The following RAB2A variants were observed in gnomAD, a reference collection of about 807,000 sequenced individuals.
RAB2A encodes the protein ras-related protein Rab-2A.
A neutral mutation model predicts 32.5 loss-of-function variants in RAB2A; 7 were observed. That is an observed-to-expected ratio of 0.22 (90% CI 0.12 to 0.40). RAB2A has a LOEUF of 0.40. Among genes scored for constraint, RAB2A ranks in the 10% least tolerant of loss-of-function variants. RAB2A has a pLI of 1.00. For synonymous variants in RAB2A, 79 were observed against 85.2 expected (o/e 0.93, Z 0.40); for missense variants, 108 against 260.7 (o/e 0.41, Z 4.03).
Position 60,584,198 on chromosome 8 carries a change from T to C in RAB2A, c.187-10T>C, listed in dbSNP as rs1304401560. On this transcript the variant is annotated splice_polypyrimidine_tract_variant and intron_variant, in intron 3 of 7. Coordinates refer to ENST00000262646, the MANE Select transcript of RAB2A (RefSeq NM_002865.3). ...TAAAGGAAACTCTCCAACCTTTTTTTTCGTTACAGGCAGGGCAAGAATCCT... is the reference window on the plus strand; with the variant it reads ...TAAAGGAAACTCTCCAACCTTTTTTCTCGTTACAGGCAGGGCAAGAATCCT... 1.3e-6 allele frequency: 2 copies of C among 1,583,658 alleles called. No individual in the cohort carries two copies. Among genetic ancestry groups the C allele is most frequent in the Non-Finnish European group, 1.7e-6 (2 of 1,152,460 alleles).
chr8:60,583,857 T>C (rs1803804816), intron 3 of RAB2A, among the ~76,000 whole-genome samples: 2 of 152,216 alleles, frequency 1.3e-5, no homozygotes, highest in South Asian at 4.1e-4. Flanking sequence ...CAAATTTGTC[T>C]TCAGAGCTTA....
intron 6 of RAB2A, among the ~76,000 whole-genome samples, chr8:60,599,417 G>A (rs116698346): frequency 6.6e-6 from 1 of 152,068 alleles, no homozygotes; most frequent in Non-Finnish European, 1.5e-5. Context: ...ACAATGTTTT[G>A]TAGATATAGA....
At chr8:60,617,375 A>C (rs897053887) in intron 6 of RAB2A, among the ~76,000 whole-genome samples, 3 of 152,196 alleles carry the variant, frequency 2.0e-5, no homozygotes, top group Non-Finnish European at 4.4e-5. Context: ...TATACTAAAT[A>C]ATACATTATC....
intron 1 of RAB2A, among the ~76,000 whole-genome samples, chr8:60,539,119 T>G (rs1408559258): frequency 2.0e-5 from 3 of 152,238 alleles, no homozygotes; most frequent in Non-Finnish European, 4.4e-5. Flanking sequence ...TGAGATGCAT[T>G]AATTCATTCC....
intron 1 of RAB2A, among the ~76,000 whole-genome samples, chr8:60,531,785 ATCT>A (rs1807479780): frequency 6.7e-6 from 1 of 149,000 alleles, no homozygotes; most frequent in Admixed American, 6.7e-5. Context: ...GCCAGTAGTC[ATCT>A]TCTACCTTGA....
chr8:60,560,638 G>C lies in RAB2A; in HGVS notation c.118+1715G>C, dbSNP rs144246023. On this transcript the variant is annotated intron_variant, in intron 2 of 7. Coordinates refer to ENST00000262646, the MANE Select transcript of RAB2A (RefSeq NM_002865.3). ...TGTCAGAAGTTGACTTAAGCCCAGC[G>C]TGTCCAACCCACAACCTGCATGCAG... Among the ~76,000 whole-genome samples, 1,005 of 152,222 alleles carry C rather than the reference G, an allele frequency of 6.6e-3. 30 individuals carry two copies. Among genetic ancestry groups the C allele is most frequent in the Non-Finnish European group, 1.6e-3 (106 of 68,024 alleles).
chr8:60,559,624 C>T (rs61174790), intron 2 of RAB2A, among the ~76,000 whole-genome samples: 12,489 of 152,138 alleles, frequency 0.082, 1,558 homozygotes, highest in African/African-American at 0.27. Context: ...CTTACTGTTT[C>T]GGGTTTTTAT....
intron 1 of RAB2A, among the ~76,000 whole-genome samples, chr8:60,556,830 T>C (rs1268396898): frequency 2.6e-5 from 4 of 152,226 alleles, no homozygotes; most frequent in Admixed American, 6.5e-5. Context: ...CTTAAATGAT[T>C]ACCAAACTCT....
chr8:60,613,287 A>G (rs745517541), intron 6 of RAB2A, among the ~76,000 whole-genome samples: 4 of 152,106 alleles, frequency 2.6e-5, no homozygotes, highest in Non-Finnish European at 4.4e-5. Flanking sequence ...GTTGTTCCCC[A>G]TGTGTCTTTG....
chr8:60,612,851 A>C (rs1486596784), intron 6 of RAB2A, among the ~76,000 whole-genome samples: 1 of 152,228 alleles, frequency 6.6e-6, no homozygotes, highest in African/African-American at 2.4e-5. Flanking sequence ...GAAGAGGCAG[A>C]GGTTCTCCCT....
intron 2 of RAB2A, among the ~76,000 whole-genome samples, chr8:60,559,664 A>T (rs895651480): frequency 4.6e-5 from 7 of 152,248 alleles, no homozygotes; most frequent in African/African-American, 1.4e-4. Flanking sequence ...TGAAAGCTGA[A>T]GAATCTAGCT....
At chr8:60,569,468 G>A (rs1808163686) in intron 2 of RAB2A, among the ~76,000 whole-genome samples, 1 of 152,258 alleles carries the variant, frequency 6.6e-6, no homozygotes, top group South Asian at 2.1e-4. Flanking sequence ...TTTGTTTAAA[G>A]ATTTTAAGCT....
chr8:60,552,562 C>G (rs1456857662), intron 1 of RAB2A: 6 of 152,054 alleles, frequency 3.9e-5, no homozygotes, highest in Non-Finnish European at 7.4e-5. Context: ...TTAAATTTAT[C>G]CATGAAAAGA....
intron 6 of RAB2A, among the ~76,000 whole-genome samples, chr8:60,616,794 T>C (rs1429307280): frequency 6.6e-6 from 1 of 152,214 alleles, no homozygotes; most frequent in African/African-American, 2.4e-5. Context: ...TCAGATCTCC[T>C]TCACTGACTG....
intron 6 of RAB2A, among the ~76,000 whole-genome samples, chr8:60,610,194 G>A (rs1241536762): frequency 6.6e-6 from 1 of 151,808 alleles, no homozygotes; most frequent in Admixed American, 6.6e-5. Flanking sequence ...GACTATAGCT[G>A]AAAATACAAC....
At chr8:60,552,736 G>A (rs560129947) in intron 1 of RAB2A, 1 of 152,264 alleles carries the variant, frequency 6.6e-6, no homozygotes, top group South Asian at 2.1e-4. Context: ...TTACACAGTT[G>A]GTTAAACCCC....
In RAB2A at chr8:60,585,282, TTTTTGTTTTGTTTTGTTTTGTTTTG is replaced by T. The variant is rs112024465; in HGVS notation, c.362+491_362+515del. On this transcript the variant is annotated intron_variant, in intron 5 of 7. Transcript: ENST00000262646. ...ATTTTCAAAATGCTAGGCACCATTCTTTTTGTTTTGTTTTGTTTTGTTTTGTTTTGTTTTGTTTTGTTTTGTTTGA... is the reference window on the plus strand; with the variant it reads ...ATTTTCAAAATGCTAGGCACCATTCTTTTTGTTTTGTTTTGTTTTGTTTGA... Among the ~76,000 whole-genome samples, 115 of 148,652 alleles carry T rather than the reference TTTTTGTTTTGTTTTGTTTTGTTTTG, an allele frequency of 7.7e-4. 1 individual carries two copies. Among genetic ancestry groups the T allele is most frequent in the African/African-American group, 2.4e-3 (97 of 39,600 alleles).
intron 3 of RAB2A, chr8:60,576,239 G>A (rs1406511276): frequency 2.2e-6 from 1 of 456,306 alleles, no homozygotes; most frequent in Admixed American, 2.3e-5. Flanking sequence ...GCCAGGGGAA[G>A]TCAAAGAAGA....
intron 1 of RAB2A, among the ~76,000 whole-genome samples, chr8:60,541,305 A>G (rs909322132): frequency 2.0e-5 from 3 of 152,218 alleles, no homozygotes; most frequent in Admixed American, 2.0e-4. Context: ...AGGCCTGACA[A>G]TTAAATGTAA....
Sources: allele counts gnomAD v4.1 joint callset (sites outside exome capture counted in the v4.1 genomes callset), GRCh38; gene constraint gnomAD v4.1.1; transcripts MANE v1.5; gene names NCBI Gene and HGNC (gene_info 2026-07-23, HGNC 2026-07-21).